Variants in USP36 observed in about 807,000 individuals in gnomAD.
USP36 encodes ubiquitin carboxyl-terminal hydrolase 36.
USP36 carries 59 observed loss-of-function variants against 111.5 expected under a neutral mutation model. The ratio of observed to expected loss-of-function variants is 0.53; its 90% CI spans 0.43 to 0.66. The LOEUF (loss-of-function observed/expected upper bound fraction) is 0.66, where lower values mean the gene tolerates loss of function less well. USP36 is among the 30% of genes least tolerant of loss of function. The pLI, the probability that USP36 is intolerant of heterozygous loss-of-function variation, is 0.00. For synonymous variants in USP36, 628 were observed against 581.0 expected (o/e 1.08, Z -1.16); for missense variants, 1,488 against 1,468.0 (o/e 1.01, Z -0.22).
chr17:78,810,467 TA>T (rs2094021816), intron 13 of USP36, among the ~76,000 whole-genome samples: 1 of 152,144 alleles, frequency 6.6e-6, no homozygotes, highest in Admixed American at 6.5e-5. Flanking sequence ...TTTGCATTTT[TA>T]GTAGAGACAG....
chr17:78,823,314 G>A (rs1372213145), intron 6 of USP36: 8 of 396,960 alleles, frequency 2.0e-5, no homozygotes, highest in Admixed American at 1.8e-4. Flanking sequence ...GGGTAGCTGC[G>A]TGTGATGGCG....
intron 17 of USP36, among the ~76,000 whole-genome samples, chr17:78,801,508 C>T (rs1417179473): frequency 6.6e-6 from 1 of 152,242 alleles, no homozygotes; most frequent in Non-Finnish European, 1.5e-5. Flanking sequence ...CTATACCAAG[C>T]AGCCAGGACT....
chr17:78,840,456 C>G (rs1430366919), intron 1 of USP36: 1 of 152,508 alleles, frequency 6.6e-6, no homozygotes, highest in South Asian at 2.1e-4. Flanking sequence ...ACCCCCATCA[C>G]CGGCCCGGAG....
intron 6 of USP36, among the ~76,000 whole-genome samples, chr17:78,825,565 A>C (rs2067458332): frequency 6.6e-6 from 1 of 152,014 alleles, no homozygotes; most frequent in African/African-American, 2.4e-5. Context: ...CGAATGGCTC[A>C]CCACCACCCA....
In USP36 at chr17:78,798,231, G is replaced by C; in HGVS notation, c.*20+169C>G. 3.7e-6 allele frequency: 3 copies of C among 815,968 alleles called. No homozygotes were observed. The highest frequency in any genetic ancestry group is 5.6e-6 in the Non-Finnish European group (3 of 534,306). 50.5% of individuals were successfully genotyped at this position (815,968 alleles called of 1,614,324 possible). On this transcript the variant is annotated intron_variant, in intron 20 of 20. Transcript: ENST00000449938. The surrounding 1 kb of genome is among the most constrained non-coding windows in gnomAD (Gnocchi z 5.1). ...ACACACACCCTTCTCCAAGTGACTA[G>C]GACACACACCACAGACGCGCCCACA...
intron 17 of USP36, among the ~76,000 whole-genome samples, chr17:78,801,008 ACT>A (rs1183074824): frequency 2.5e-5 from 3 of 119,284 alleles, no homozygotes; most frequent in African/African-American, 3.3e-5. Flanking sequence ...ACGGAGTCTC[ACT>A]CTGTCACCCA....
intron 10 of USP36, among the ~76,000 whole-genome samples, chr17:78,815,400 C>G (rs1378802661): frequency 6.6e-6 from 1 of 152,176 alleles, no homozygotes; most frequent in Non-Finnish European, 1.5e-5. Flanking sequence ...TCCAGCCAGC[C>G]TATGGGAAAC....
At chr17:78,814,203 C>G (rs1223627710) in intron 11 of USP36, among the ~76,000 whole-genome samples, 1 of 152,184 alleles carries the variant, frequency 6.6e-6, no homozygotes, top group African/African-American at 2.4e-5. Flanking sequence ...CCGTGTCTCC[C>G]TGCAAGTCTG....
chr17:78,808,707 A>C (rs144324833), intron 13 of USP36, among the ~76,000 whole-genome samples: 1 of 152,300 alleles, frequency 6.6e-6, no homozygotes, highest in African/African-American at 2.4e-5. Context: ...CAGAGCACTT[A>C]TTACAACTGC....
intron 18 of USP36, 79 bp from the exon 19 acceptor site, chr17:78,799,102 C>A: frequency 7.4e-7 from 1 of 1,355,490 alleles, no homozygotes; most frequent in Non-Finnish European, 1.0e-6. Context: ...TGTCATTTAC[C>A]AACTAGTCTA....
Position 78,803,462 on chromosome 17 carries a change from G to C in USP36, c.2733C>G (p.Ser911Arg), listed in dbSNP as rs563529475. The change falls in exon 16 of 21, where the codon AGC becomes AGG. Residue 911 changes from serine (S) to arginine (R), a missense_variant. Transcript: ENST00000449938. The surrounding 1 kb of genome is among the most constrained non-coding windows in gnomAD (Gnocchi z 4.6). The stretch of plus-strand genomic sequence containing the variant: ...CTCCTTTCCTCCTCCGCTTCCTGCT[G>C]CTCGCGTGGTGGCCGTCCGTAACAC... ...VGCVTDGHHA[S>R]SRKRRRKGAE... 183 of 1,614,108 alleles carry C rather than the reference G, an allele frequency of 1.1e-4. 3 individuals are homozygous for C. In the South Asian group the frequency reaches 1.9e-3, roughly 17 times the overall value.
intron 13 of USP36, among the ~76,000 whole-genome samples, chr17:78,811,069 T>C (rs977367148): frequency 1.9e-4 from 27 of 140,564 alleles, no homozygotes; most frequent in Non-Finnish European, 3.0e-4. Flanking sequence ...TGGCAGAGGC[T>C]GCAGTGAGCT....
intron 3 of USP36, among the ~76,000 whole-genome samples, chr17:78,789,782 G>A (rs2093567199): frequency 6.6e-6 from 1 of 152,216 alleles, no homozygotes; most frequent in Non-Finnish European, 1.5e-5. Context: ...AGAGGAGCTA[G>A]TGCTCTAGTT....
Position 78,814,460 on chromosome 17 carries a change from C to T in USP36, c.1116G>A (p.Val372=), listed in dbSNP as rs772120390. The change falls in exon 11 of 21, where the codon GTG becomes GTA. Residue 372 remains valine, a synonymous_variant. Coordinates refer to ENST00000449938, the MANE Select transcript of USP36 (RefSeq NM_001385174.1). ...CGGCATGGCAGCTGTAGCCCGAGTGCACCAGGACAGCATAGAGTCCATACA... is the reference window on the plus strand; with the variant it reads ...CGGCATGGCAGCTGTAGCCCGAGTGTACCAGGACAGCATAGAGTCCATACA... ...PVMYGLYAVL[V]HSGYSCHAGH... is the part of the protein sequence containing the mutation. 3.7e-6 allele frequency: 6 copies of T among 1,614,076 alleles called. No homozygotes were observed. The highest frequency in any genetic ancestry group is 3.3e-5 in the South Asian group (3 of 91,092).
chr17:78,792,384 C>T (rs143059191), downstream of USP36, among the ~76,000 whole-genome samples: 434 of 152,184 alleles, frequency 2.9e-3, 2 homozygotes, highest in African/African-American at 9.2e-3. Flanking sequence ...GGGGGCACCT[C>T]GTCCAGCATC....
At chr17:78,807,737 T>TG in intron 13 of USP36, 101 bp from the exon 14 acceptor site, 1 of 1,170,268 alleles carries the variant, frequency 8.5e-7, no homozygotes, top group Non-Finnish European at 1.2e-6. Flanking sequence ...AGGCATGGCC[T>TG]CTGATTAGCA....
At position 78,798,293 on chromosome 17, in the gene USP36, C is replaced by T; in HGVS notation, c.*20+107G>A. 1 of 1,426,360 alleles carries T rather than the reference C, an allele frequency of 7.0e-7. No individual in the cohort carries two copies. Among genetic ancestry groups the T allele is most frequent in the Non-Finnish European group, 9.5e-7 (1 of 1,058,064 alleles). 88.4% of individuals were successfully genotyped at this position (1,426,360 alleles called of 1,614,324 possible). A position where few individuals can be genotyped will look rare whatever the true frequency, so the allele number is the denominator to read the frequency against. On this transcript the variant is annotated intron_variant, in intron 20 of 20. Coordinates refer to ENST00000449938, the MANE Select transcript of USP36 (RefSeq NM_001385174.1). This position sits in a 1 kb window ranked among gnomAD's most constrained non-coding sequence, Gnocchi z 5.1. ...ACCCAACACACATGTGCCAGATACA[C>T]AGCCCACATACATCATACACACACG...
intron 15 of USP36, 83 bp downstream of exon 15, chr17:78,806,073 T>C (rs71385991): frequency 0.041 from 65,770 of 1,597,612 alleles, 3,261 homozygotes; most frequent in African/African-American, 0.19. Flanking sequence ...AGGTTGGCGA[T>C]TCGTCCAACT....
intron 10 of USP36, among the ~76,000 whole-genome samples, chr17:78,815,949 T>G (rs1027826249): frequency 3.9e-5 from 6 of 151,952 alleles, no homozygotes; most frequent in African/African-American, 1.5e-4. Flanking sequence ...CACACATGCA[T>G]GCACACACAT....
Sources: gnomAD v4.1 joint callset for allele counts (sites outside exome capture counted in the v4.1 genomes callset) on GRCh38, gnomAD v4.1.1 for gene constraint, Gnocchi (gnomAD v3.1) non-coding constraint, MANE v1.5 for transcripts, NCBI Gene and HGNC (gene_info 2026-07-23, HGNC 2026-07-21) for gene names.